PHF19: variants seen among roughly 807,000 people sequenced by gnomAD.
PHF19 encodes the protein polycomb like 3.
In PHF19, 21 loss-of-function variants were observed where a neutral mutation model predicts 79.8. The observed-to-expected ratio is 0.26, with a 90% CI of 0.19 to 0.38. The LOEUF (loss-of-function observed/expected upper bound fraction) is 0.38, where lower values mean the gene tolerates loss of function less well. Ranked by LOEUF, PHF19 falls within the 10% of genes least tolerant of loss-of-function variation. The probability of loss-of-function intolerance (pLI) is 1.00; values close to 1 mark genes in which losing one functional copy is unlikely to be tolerated. For synonymous variants in PHF19, 273 were observed against 296.3 expected (o/e 0.92, Z 0.81); for missense variants, 445 against 744.2 (o/e 0.60, Z 4.68).
In PHF19 at chr9:120,869,153, G is replaced by C. The variant is rs1305378279; in HGVS notation, c.614+29C>G. 6.3e-7 allele frequency: 1 copy of C among 1,585,386 alleles called. No homozygotes were observed. The highest frequency in any genetic ancestry group is 1.1e-5 in the South Asian group (1 of 88,192). ...GCGATTCTTGGAGACCTGCCCTGCC[G>C]CCCGGGGGGCCCTGACCCCCTGCCT... On this transcript the variant is annotated intron_variant, in intron 6 of 14. Coordinates refer to ENST00000373896, the MANE Select transcript of PHF19 (RefSeq NM_015651.3). This position sits in a 1 kb window ranked among gnomAD's most constrained non-coding sequence, Gnocchi z 5.8.
Position 120,869,959 on chromosome 9 carries a change from G to T in PHF19, c.365-14C>A. ...GCTGGTGGTAACCTACGGCAGAGGAGGGGGCGGTGAGCGCCCACAAGGACA... is the reference window on the plus strand; with the variant it reads ...GCTGGTGGTAACCTACGGCAGAGGATGGGGCGGTGAGCGCCCACAAGGACA... On this transcript the variant is annotated splice_polypyrimidine_tract_variant and intron_variant, in intron 4 of 14. Coordinates refer to ENST00000373896, the MANE Select transcript of PHF19 (RefSeq NM_015651.3). This position sits in a 1 kb window ranked among gnomAD's most constrained non-coding sequence, Gnocchi z 5.8. The T allele has an allele frequency of 6.4e-7, 1 of 1,560,866 alleles. No individual in the cohort carries two copies.
rs777524611 is a variant in PHF19, at chr9:120,870,537, G to A, written c.270C>T (p.Ala90=). 1.5e-5 allele frequency: 24 copies of A among 1,598,744 alleles called. 1 individual carries two copies. Among genetic ancestry groups the A allele is most frequent in the East Asian group, 4.5e-5 (2 of 44,820 alleles). ...YWVLWKDIQH[A]GVPGEEPKCN... is the part of the protein sequence containing the mutation. ...ACTTGGGCTCCTCTCCTGGAACACC[G>A]GCTGAAAGAGAGGGCCTCGAGGGTC... The change falls in exon 4 of 15, where the codon GCC becomes GCT. Residue 90 remains alanine (A), a splice_region_variant and synonymous_variant. Coordinates refer to ENST00000373896, the MANE Select transcript of PHF19 (RefSeq NM_015651.3). The surrounding 1 kb of genome is among the most constrained non-coding windows in gnomAD (Gnocchi z 4.4).
chr9:120,865,508 C>A (rs193114348), intron 9 of PHF19, among the ~76,000 whole-genome samples: 56 of 152,334 alleles, frequency 3.7e-4, no homozygotes, highest in Admixed American at 2.6e-3. Flanking sequence ...CTCCCCTCCA[C>A]TGAACTGGGG....
intron 14 of PHF19, among the ~76,000 whole-genome samples, chr9:120,859,780 C>T (rs2045464667): frequency 6.6e-6 from 1 of 152,324 alleles, no homozygotes; most frequent in South Asian, 2.1e-4. Flanking sequence ...GTGAAAGAAA[C>T]TCTGGTCCAA....
intron 3 of PHF19, among the ~76,000 whole-genome samples, 180 bp downstream of exon 3, chr9:120,873,799 A>G (rs929938286): frequency 6.6e-6 from 1 of 152,216 alleles, no homozygotes; most frequent in Non-Finnish European, 1.5e-5. Flanking sequence ...TCATGTCCTA[A>G]GTACCTTCCT....
upstream of PHF19, among the ~76,000 whole-genome samples, chr9:120,879,910 C>T (rs1000519243): frequency 2.0e-5 from 3 of 152,092 alleles, no homozygotes; most frequent in African/African-American, 7.2e-5. Context: ...AGGTGCTCAA[C>T]CTTATTGGCC....
intron 9 of PHF19, 75 bp from the exon 10 acceptor site, chr9:120,864,191 CCCTT>C: frequency 8.3e-7 from 1 of 1,212,090 alleles, no homozygotes; most frequent in Non-Finnish European, 1.2e-6. Flanking sequence ...CCTACTCCCT[CCCTT>C]CCATCTCCTG....
In PHF19 at chr9:120,860,460, C is replaced by A. The variant is rs1419686726; in HGVS notation, c.1305-275G>T. 3 of 434,868 alleles carry A rather than the reference C, an allele frequency of 6.9e-6. No individual in the cohort carries two copies. The highest frequency in any genetic ancestry group is 6.6e-5 in the South Asian group (3 of 45,452). The allele number at this position is 434,868 out of a possible 1,614,324, so 26.9% of individuals were successfully genotyped here. A position where few individuals can be genotyped will look rare whatever the true frequency, so the allele number is the denominator to read the frequency against. On this transcript the variant is annotated intron_variant, in intron 13 of 14. Transcript: ENST00000373896. The surrounding 1 kb of genome is among the most constrained non-coding windows in gnomAD (Gnocchi z 4.1). Reference sequence around the variant, plus strand: ...GATCCAAGGCACCTGTGCAACACTTCACAGGTCAAAAGTGCTTTCATTTGC... The same window carrying A: ...GATCCAAGGCACCTGTGCAACACTTAACAGGTCAAAAGTGCTTTCATTTGC...
the PHF19 span, among the ~76,000 whole-genome samples, chr9:120,902,108 C>T: frequency 6.6e-6 from 1 of 152,212 alleles, no homozygotes; most frequent in South Asian, 2.1e-4. Flanking sequence ...CTGCCACGTG[C>T]CCCCGAAAAG....
chr9:120,860,122 G>T lies in PHF19; in HGVS notation c.1368C>A (p.Gly456=). 6.3e-7 allele frequency: 1 copy of T among 1,599,978 alleles called. No individual in the cohort carries two copies. Among genetic ancestry groups the T allele is most frequent in the Non-Finnish European group, 8.5e-7 (1 of 1,172,794 alleles). ...VDSTDAASTS[G]SASTSLSYDS... ...CATAGGAGAGGCTGGTGGAGGCAGAGCCAGAGGTGCTGGCAGCGTCGGTGG... is the reference window on the plus strand; with the variant it reads ...CATAGGAGAGGCTGGTGGAGGCAGATCCAGAGGTGCTGGCAGCGTCGGTGG... Residue 456 remains glycine, a synonymous_variant, in exon 14 of 15, where the codon GGC becomes GGA. Coordinates refer to ENST00000373896, the MANE Select transcript of PHF19 (RefSeq NM_015651.3). The surrounding 1 kb of genome is among the most constrained non-coding windows in gnomAD (Gnocchi z 4.1).
chr9:120,902,025 G>A, the PHF19 span, among the ~76,000 whole-genome samples: 1 of 152,162 alleles, frequency 6.6e-6, no homozygotes, highest in African/African-American at 2.4e-5. Flanking sequence ...CATTTGTGGA[G>A]CTTCTGGTAT....
chr9:120,862,608 C>G lies in PHF19; in HGVS notation c.1110G>C (p.Lys370Asn), dbSNP rs771932319. 1 of 1,613,918 alleles carries G rather than the reference C, an allele frequency of 6.2e-7. No individual in the cohort carries two copies. The highest frequency in any genetic ancestry group is 2.2e-5 in the East Asian group (1 of 44,884). The change falls in exon 11 of 15, where the codon AAG becomes AAC. Residue 370 changes from lysine to asparagine, a missense_variant. Lys to Asn is a moderately conservative substitution (Grantham distance 94). This residue lies in a region of PHF19 where 83 missense variants were observed against 85.5 expected (regional missense o/e 0.97). Coordinates refer to ENST00000373896, the MANE Select transcript of PHF19 (RefSeq NM_015651.3). This position sits in a 1 kb window ranked among gnomAD's most constrained non-coding sequence, Gnocchi z 4.6. ...NENSASSELRKRGKSKPGLLP... is the reference protein window; with the variant it reads ...NENSASSELRNRGKSKPGLLP... ...CTGACCCAGGCTTGCTCTTTCCTCT[C>G]TTACGCAGCTCAGAGGAGGCGCTGT...
rs921234066 is a variant in PHF19 at position 120,893,407 on chromosome 9, G to C, written c.42+1381C>G. Among the ~76,000 whole-genome samples, 9 of 152,272 alleles carry C rather than the reference G, an allele frequency of 5.9e-5. No individual in the cohort carries two copies. In the East Asian group the frequency reaches 1.7e-3, roughly 29 times the overall value. ...TAGCAGTGATGGCAGGTGGCTCCCTGTCTGAGTGTGGCTGCCCCATCACTC... is the reference window on the plus strand; with the variant it reads ...TAGCAGTGATGGCAGGTGGCTCCCTCTCTGAGTGTGGCTGCCCCATCACTC... On this transcript the variant is annotated intron_variant, in intron 1 of 14. Transcript: ENST00000616568.
chr9:120,868,805 C>T lies in PHF19; in HGVS notation c.614+377G>A, dbSNP rs1001022294. The T allele has an allele frequency of 7.9e-6, 8 of 1,018,640 alleles. No homozygotes were observed. The Admixed American group carries it at 2.4e-4, about 30-fold the overall frequency. The allele number at this position is 1,018,640 out of a possible 1,614,324, so 63.1% of individuals were successfully genotyped here. On this transcript the variant is annotated intron_variant, in intron 6 of 14. Transcript: ENST00000373896. ...CCACAGGGTGCTTCTCGACCTGCCTCACCTCCCTGGGGCCCTGCTTGGGCG... is the reference window on the plus strand; with the variant it reads ...CCACAGGGTGCTTCTCGACCTGCCTTACCTCCCTGGGGCCCTGCTTGGGCG...
chr9:120,895,748 G>T (rs2046396072), upstream of PHF19, among the ~76,000 whole-genome samples: 1 of 152,122 alleles, frequency 6.6e-6, no homozygotes, highest in Non-Finnish European at 1.5e-5. Flanking sequence ...GACCTCCTGG[G>T]CTCAAGTGAT....
At chr9:120,889,177 C>T (rs1331446763) in intron 1 of PHF19, among the ~76,000 whole-genome samples, 1 of 152,190 alleles carries the variant, frequency 6.6e-6, no homozygotes, top group African/African-American at 2.4e-5. Context: ...CTTGTAATCC[C>T]AGCACTTTAG....
At chr9:120,876,589 G>C (rs2046064546) in intron 1 of PHF19, among the ~76,000 whole-genome samples, 1 of 151,892 alleles carries the variant, frequency 6.6e-6, no homozygotes, top group Non-Finnish European at 1.5e-5. Flanking sequence ...CCGGGAGCGC[G>C]GGGCCGGGCG....
chr9:120,858,405 A>G (rs2045409516), intron 14 of PHF19, 119 bp from the exon 15 acceptor site: 2 of 703,788 alleles, frequency 2.8e-6, no homozygotes, highest in Non-Finnish European at 4.4e-6. Context: ...GCTGAACAGC[A>G]TTCTCTTATC....
chr9:120,858,684 G>A (rs2045418575), intron 14 of PHF19, among the ~76,000 whole-genome samples: 1 of 152,148 alleles, frequency 6.6e-6, no homozygotes, highest in Admixed American at 6.5e-5. Flanking sequence ...GCCATGCAGT[G>A]CAGAGGCCCT....
Sources: gnomAD v4.1 joint callset for allele counts (sites outside exome capture counted in the v4.1 genomes callset) on GRCh38, gnomAD v4.1.1 for gene constraint, gnomAD v4.1.1 regional missense constraint, Gnocchi (gnomAD v3.1) non-coding constraint, MANE v1.5 for transcripts, NCBI Gene and HGNC (gene_info 2026-07-23, HGNC 2026-07-21) for gene names.